MCPH1: variants seen among roughly 807,000 people sequenced by gnomAD.
MCPH1 encodes the protein microcephalin 1.
MCPH1 carries 104 observed loss-of-function variants against 84.5 expected under a neutral mutation model. The observed-to-expected ratio is 1.23, with a 90% CI of 1.05 to 1.45. MCPH1 has a LOEUF of 1.45. Among genes scored for constraint, MCPH1 ranks in the 40% most tolerant of loss-of-function variants. MCPH1 has a pLI of 0.00. For synonymous variants in MCPH1, 514 were observed against 366.8 expected (o/e 1.40, Z -4.58); for missense variants, 1,498 against 1,005.7 (o/e 1.49, Z -6.62).
At chr8:6,504,126 G>A (rs994070752) in intron 12 of MCPH1, among the ~76,000 whole-genome samples, 3 of 151,892 alleles carry the variant, frequency 2.0e-5, no homozygotes, top group South Asian at 2.1e-4. Flanking sequence ...AGACCATCCT[G>A]GCTAACACGG....
At chr8:6,560,315 T>G (rs1360731603) in intron 12 of MCPH1, among the ~76,000 whole-genome samples, 2 of 152,204 alleles carry the variant, frequency 1.3e-5, no homozygotes, top group Non-Finnish European at 2.9e-5. Context: ...TCAGTGGGTG[T>G]TAGGTTGTAA....
At chr8:6,461,642 G>T (rs7836207) in intron 9 of MCPH1, among the ~76,000 whole-genome samples, 1,550 of 152,188 alleles carry the variant, frequency 0.01, 13 homozygotes, top group Middle Eastern at 0.014. Context: ...ACCCGGCCTG[G>T]TGAGACTTTA....
At chr8:6,518,869 C>G (rs978787124) in intron 12 of MCPH1, among the ~76,000 whole-genome samples, 2 of 152,034 alleles carry the variant, frequency 1.3e-5, no homozygotes, top group African/African-American at 4.8e-5. Context: ...TCTTCCCTAT[C>G]AAATGTTTAA....
chr8:6,478,442 A>G (rs1302381754), intron 10 of MCPH1, among the ~76,000 whole-genome samples: 5 of 152,230 alleles, frequency 3.3e-5, no homozygotes, highest in Admixed American at 2.6e-4. Flanking sequence ...AATATTTTTT[A>G]AAGTCTTTGT....
intron 13 of MCPH1, among the ~76,000 whole-genome samples, chr8:6,630,541 G>A (rs888887674): frequency 6.6e-6 from 1 of 152,118 alleles, no homozygotes; most frequent in African/African-American, 2.4e-5. Context: ...CAACACTTTG[G>A]GAGGCTGAAG....
At chr8:6,642,893 ATT>A in intron 13 of MCPH1, 99 bp from the exon 14 acceptor site, 3 of 1,101,962 alleles carry the variant, frequency 2.7e-6, no homozygotes, top group Middle Eastern at 2.0e-4. Context: ...GCTCTTGGCT[ATT>A]TGTTTTTAAA....
rs767993463 is a variant in MCPH1, at chr8:6,444,545, C to T, written c.823C>T (p.His275Tyr). Residue 275 changes from histidine to tyrosine, a missense_variant, in exon 8 of 14, where the codon CAT (histidine) becomes TAT (tyrosine). Coordinates refer to ENST00000344683, the MANE Select transcript of MCPH1 (RefSeq NM_024596.5). ...ACTTGTATTGAAAGCAAATAATATT[C>T]ATTCATCACCATCTTTCACTCACCT... is the stretch of plus-strand genomic sequence containing the variant. ...SSLVLKANNI[H>Y]SSPSFTHLDK... 1 of 1,614,050 alleles carries T rather than the reference C, an allele frequency of 6.2e-7. No homozygotes were observed. The highest frequency in any genetic ancestry group is 1.1e-5 in the South Asian group (1 of 91,056).
chr8:6,466,062 C>G (rs919933253), intron 9 of MCPH1, among the ~76,000 whole-genome samples: 1 of 151,292 alleles, frequency 6.6e-6, no homozygotes, highest in African/African-American at 2.4e-5. Context: ...TCAAGTGATT[C>G]TTGTGCCTCA....
Position 6,444,651 on chromosome 8 carries a change from TAGTCACCCCTGACCA to T in MCPH1, c.931_945del (p.Val311_Gln315del). On this transcript the variant is annotated inframe_deletion, in exon 8 of 14. Transcript: ENST00000344683. ...TTGCAAAGAAATATTGCAGGTAAAG[TAGTCACCCCTGACCA>T]AAAGCAGGCTGCAGGTATGTCTCAG... 1 of 1,614,046 alleles carries T rather than the reference TAGTCACCCCTGACCA, an allele frequency of 6.2e-7. No homozygotes were observed. The highest frequency in any genetic ancestry group is 8.5e-7 in the Non-Finnish European group (1 of 1,180,024).
chr8:6,505,386 T>TTTATATACATAAAGA lies in MCPH1; in HGVS notation c.2214+5457_2214+5458insTTATATACATAAAGA, dbSNP rs1813290204. 2.8e-4 allele frequency among the ~76,000 whole-genome samples: 14 copies of TTTATATACATAAAGA among 50,210 alleles called. 1 individual carries two copies. The highest frequency in any genetic ancestry group is 8.2e-4 in the African/African-American group (13 of 15,948). 32.9% of individuals were successfully genotyped at this position (50,210 alleles called of 152,430 possible). ...GTATATAGAATATATATATTCTTTC[T>TTTATATACATAAAGA]ATATGTATATAGAATATATATATTC... On this transcript the variant is annotated intron_variant, in intron 12 of 13. Transcript: ENST00000344683.
At chr8:6,473,030 A>T (rs1585976139) in intron 9 of MCPH1, among the ~76,000 whole-genome samples, 1 of 152,190 alleles carries the variant, frequency 6.6e-6, no homozygotes, top group Non-Finnish European at 1.5e-5. Flanking sequence ...GTCAATATAA[A>T]CCATAGAAGG....
chr8:6,530,737 T>G (rs1819339897), intron 12 of MCPH1, among the ~76,000 whole-genome samples: 1 of 152,214 alleles, frequency 6.6e-6, no homozygotes, highest in Non-Finnish European at 1.5e-5. Flanking sequence ...TCAAGTAATT[T>G]GTTATTCTAT....
intron 12 of MCPH1, among the ~76,000 whole-genome samples, chr8:6,594,188 G>GC (rs1262606109): frequency 6.6e-6 from 1 of 152,226 alleles, no homozygotes; most frequent in Non-Finnish European, 1.5e-5. Flanking sequence ...CTCCCCGTGT[G>GC]CCCAGGTCAT....
intron 12 of MCPH1, among the ~76,000 whole-genome samples, chr8:6,592,543 C>G (rs991880380): frequency 6.6e-6 from 1 of 151,464 alleles, no homozygotes; most frequent in Non-Finnish European, 1.5e-5. Context: ...TTCTTCCTCT[C>G]TCTCTAAAAG....
intron 12 of MCPH1, chr8:6,617,102 A>G (rs1332199557): frequency 2.0e-5 from 3 of 152,016 alleles, no homozygotes; most frequent in Admixed American, 6.6e-5. Flanking sequence ...AGGAAAGCCA[A>G]TATTTTTTGT....
chr8:6,423,190 C>CTTTTTT (rs1165558274), intron 3 of MCPH1, among the ~76,000 whole-genome samples: 3 of 113,208 alleles, frequency 2.6e-5, no homozygotes, highest in African/African-American at 1.0e-4. Flanking sequence ...CTTTTCTTTT[C>CTTTTTT]TTTTTTTTTT....
At chr8:6,612,000 G>A (rs1432437848) in intron 12 of MCPH1, among the ~76,000 whole-genome samples, 5 of 152,152 alleles carry the variant, frequency 3.3e-5, no homozygotes, top group Non-Finnish European at 7.4e-5. Context: ...CAGACCTTGC[G>A]GGGGTGGGGC....
chr8:6,465,401 A>G (rs866979803), intron 9 of MCPH1, among the ~76,000 whole-genome samples: 1 of 152,194 alleles, frequency 6.6e-6, no homozygotes, highest in African/African-American at 2.4e-5. Flanking sequence ...CCACCACCCC[A>G]TGTCCACCCC....
Position 6,647,909 on chromosome 8 carries a change from A to C in MCPH1, c.*4860A>C, listed in dbSNP as rs1391508871. 3 of 151,584 alleles carry C rather than the reference A, an allele frequency of 2.0e-5. No homozygotes were observed. Among genetic ancestry groups the C allele is most frequent in the Admixed American group, 1.3e-4 (2 of 15,234 alleles). 9.4% of individuals were successfully genotyped at this position (151,584 alleles called of 1,614,324 possible). A position where few individuals can be genotyped will look rare whatever the true frequency, so the allele number is the denominator to read the frequency against. On this transcript the variant is annotated 3_prime_UTR_variant, in exon 14 of 14. Coordinates refer to ENST00000344683, the MANE Select transcript of MCPH1 (RefSeq NM_024596.5). ...CCTTAAGGCATGTGAATTATACACC[A>C]ATAAAGCTATTTTTTTTAAAAAAAA...
Sources: gnomAD v4.1 joint callset for allele counts (sites outside exome capture counted in the v4.1 genomes callset) on GRCh38, gnomAD v4.1.1 for gene constraint, MANE v1.5 for transcripts, NCBI Gene and HGNC (gene_info 2026-07-23, HGNC 2026-07-21) for gene names.